The following SCN11A variants were observed in gnomAD, a reference collection of about 807,000 sequenced individuals.
SCN11A encodes the protein sodium channel protein type 11 subunit alpha.
SCN11A carries 122 observed loss-of-function variants against 162.2 expected under a neutral mutation model. The observed-to-expected ratio is 0.75, with a 90% CI of 0.65 to 0.87. The LOEUF is 0.87. Among genes scored for constraint, SCN11A ranks in the 40% least tolerant of loss-of-function variants. The pLI is 0.00. For synonymous variants in SCN11A, 758 were observed against 751.5 expected, an observed-to-expected ratio of 1.01 and a Z score of -0.14; for missense variants, 2,015 against 2,181.6, an observed-to-expected ratio of 0.92 and a Z score of 1.52.
intron 7 of SCN11A, among the ~76,000 whole-genome samples, chr3:38,929,157 A>G (rs2066197757): frequency 7.6e-6 from 1 of 131,198 alleles, no homozygotes; most frequent in Non-Finnish European, 1.7e-5. Context: ...ACACACACAC[A>G]CACACACACA....
At chr3:38,918,938 T>C (rs1332854117) in intron 11 of SCN11A, among the ~76,000 whole-genome samples, 1 of 152,044 alleles carries the variant, frequency 6.6e-6, no homozygotes, top group East Asian at 1.9e-4. Flanking sequence ...CATCATAGAG[T>C]GTACACACAA....
intron 15 of SCN11A, 116 bp downstream of exon 15, chr3:38,905,076 G>A: frequency 7.6e-7 from 1 of 1,318,746 alleles, no homozygotes; most frequent in Non-Finnish European, 1.1e-6. Flanking sequence ...GGATGGTACA[G>A]TGGGTTGGTT....
In SCN11A at chr3:38,879,952, T is replaced by C. The variant is rs368246538; in HGVS notation, c.3391A>G (p.Ile1131Val). Residue 1131 changes from isoleucine to valine, a missense_variant and splice_region_variant, in exon 23 of 30, where the codon ATT becomes GTT. Physicochemically the swap from Ile to Val is conservative, Grantham distance 29. Transcript: ENST00000302328. ...AWCCLDFIIV[I>V]VSVTTLINLM... ...GGACACAGAGATGGTAAACTTACAATCACAATGATGAAATCAAGGCAGCAC... is the reference window on the plus strand; with the variant it reads ...GGACACAGAGATGGTAAACTTACAACCACAATGATGAAATCAAGGCAGCAC... 6.2e-7 allele frequency: 1 copy of C among 1,611,822 alleles called. No homozygotes were observed. The highest frequency in any genetic ancestry group is 1.3e-5 in the African/African-American group (1 of 74,852).
chr3:39,044,134 T>C (rs1575372203), intron 1 of SCN11A, among the ~76,000 whole-genome samples: 1 of 152,206 alleles, frequency 6.6e-6, no homozygotes, highest in South Asian at 2.1e-4. Context: ...AGGGATCAAT[T>C]CAGTAAAAGG....
At position 38,951,459 on chromosome 3, in the gene SCN11A, C is replaced by T. The variant is rs953633022; in HGVS notation, c.-7-1090G>A. On this transcript the variant is annotated intron_variant, in intron 4 of 29. Transcript: ENST00000302328. Reference sequence around the variant, plus strand: ...CTCCCTCCATGGGCTCCTGTGCGGCCGGAGCCTCCCCGACAAGCACCGCCC... The same window carrying T: ...CTCCCTCCATGGGCTCCTGTGCGGCTGGAGCCTCCCCGACAAGCACCGCCC... Among the ~76,000 whole-genome samples the T allele has an allele frequency of 2.6e-5, 4 of 152,340 alleles. No homozygotes were observed. The South Asian group carries it at 6.2e-4, about 24-fold the overall frequency.
At chr3:38,852,083 A>T (rs2064791214) in intron 28 of SCN11A, among the ~76,000 whole-genome samples, 1 of 152,154 alleles carries the variant, frequency 6.6e-6, no homozygotes. Context: ...TTTGGAGTGC[A>T]GGTACAGAAG....
At chr3:39,016,899 A>G (rs1355174794) in intron 2 of SCN11A, among the ~76,000 whole-genome samples, 3 of 152,188 alleles carry the variant, frequency 2.0e-5, no homozygotes, top group Non-Finnish European at 4.4e-5. Context: ...CACTGTGCCC[A>G]GCCAGCCTTC....
chr3:38,872,615 C>T (rs1026545405), intron 23 of SCN11A, among the ~76,000 whole-genome samples: 1 of 152,022 alleles, frequency 6.6e-6, no homozygotes, highest in Non-Finnish European at 1.5e-5. Flanking sequence ...TAGTCAATTG[C>T]CATAACAAAG....
rs115400509 is a variant in SCN11A at position 38,966,065 on chromosome 3, C to T, written c.-279-5642G>A. ...ATATATCACTGGTAGAGGCAGCTGG[C>T]TTAGTACCTGAGATCATTGGTTGTT... On this transcript the variant is annotated intron_variant, in intron 2 of 29. Transcript: ENST00000302328. Among the ~76,000 whole-genome samples the T allele has an allele frequency of 3.5e-3, 529 of 152,260 alleles. 1 individual carries two copies. The highest frequency in any genetic ancestry group is 0.012 in the African/African-American group (508 of 41,550).
chr3:39,008,658 G>T (rs976729999), intron 2 of SCN11A, among the ~76,000 whole-genome samples: 2 of 152,172 alleles, frequency 1.3e-5, no homozygotes, highest in Non-Finnish European at 2.9e-5. Flanking sequence ...AGAGGCCGAG[G>T]TGGGTGGATC....
rs151155193 is a variant in SCN11A at position 38,847,442 on chromosome 3, C to T, written c.4628G>A (p.Cys1543Tyr). 4.2e-5 allele frequency: 68 copies of T among 1,614,170 alleles called. No individual in the cohort carries two copies. In the African/African-American group the frequency reaches 8.0e-4, roughly 19 times the overall value. The part of the protein sequence containing the change: ...NFKTFASSML[C>Y]LFQISTSAGW... Reference sequence around the variant, plus strand: ...TGCTGATGTGCTTATCTGGAAGAGACAGAGCATGCTGCTGGCAAAAGTCTT... The same window carrying T: ...TGCTGATGTGCTTATCTGGAAGAGATAGAGCATGCTGCTGGCAAAAGTCTT... Residue 1543 changes from cysteine (C) to tyrosine (Y), a missense_variant, in exon 30 of 30, where the codon TGT becomes TAT. By Grantham distance (194) the Cys-to-Tyr change is radical (BLOSUM62 -2). Coordinates refer to ENST00000302328, the MANE Select transcript of SCN11A (RefSeq NM_001349253.2).
chr3:38,976,006 A>T (rs1286635727), intron 2 of SCN11A, among the ~76,000 whole-genome samples: 1 of 152,214 alleles, frequency 6.6e-6, no homozygotes, highest in Non-Finnish European at 1.5e-5. Context: ...TAAAAGGAAA[A>T]AAGAGTGGAA....
At chr3:38,942,660 A>G (rs550164620) in intron 7 of SCN11A, among the ~76,000 whole-genome samples, 2 of 152,294 alleles carry the variant, frequency 1.3e-5, no homozygotes, top group East Asian at 3.9e-4. Flanking sequence ...AAAAGGTAAT[A>G]AAAACACAGT....
At chr3:39,038,835 T>A (rs1301789308) in intron 1 of SCN11A, among the ~76,000 whole-genome samples, 1 of 152,156 alleles carries the variant, frequency 6.6e-6, no homozygotes, top group Non-Finnish European at 1.5e-5. Flanking sequence ...CATAAAAGAA[T>A]ACATGAAACA....
At chr3:38,954,627 T>C (rs2066659214) in intron 3 of SCN11A, among the ~76,000 whole-genome samples, 1 of 151,196 alleles carries the variant, frequency 6.6e-6, no homozygotes, top group Admixed American at 6.6e-5. Context: ...TTATAGATGA[T>C]AAAAAAACAA....
chr3:39,036,812 T>A (rs1239455195), intron 1 of SCN11A, among the ~76,000 whole-genome samples: 1 of 152,148 alleles, frequency 6.6e-6, no homozygotes, highest in Admixed American at 6.5e-5. Context: ...ATGGCTTTTA[T>A]CCAAAAGACA....
At chr3:39,043,688 G>C (rs7629829) in intron 1 of SCN11A, among the ~76,000 whole-genome samples, 23,074 of 151,996 alleles carry the variant, frequency 0.15, 3,486 homozygotes, top group African/African-American at 0.39. Context: ...AGGGTAGTTG[G>C]GGGTGGGTGG....
At chr3:38,927,064 C>A in intron 7 of SCN11A, 133 bp from the exon 8 acceptor site, 1 of 836,156 alleles carries the variant, frequency 1.2e-6, no homozygotes, top group Non-Finnish European at 1.8e-6. Context: ...CTTCAGCAAA[C>A]CAGAGTTCAA....
chr3:38,850,303 C>G, intron 29 of SCN11A, 178 bp downstream of exon 29: 2 of 600,092 alleles, frequency 3.3e-6, no homozygotes, highest in South Asian at 4.2e-5. Context: ...AAATTACTCT[C>G]TATCTCCTAG....
Sources: gnomAD v4.1 joint callset for allele counts (sites outside exome capture counted in the v4.1 genomes callset) on GRCh38, gnomAD v4.1.1 for gene constraint, MANE v1.5 for transcripts, NCBI Gene and HGNC (gene_info 2026-07-23, HGNC 2026-07-21) for gene names.